The following FRAS1 variants were observed in gnomAD, a reference collection of about 807,000 sequenced individuals.
FRAS1 encodes the protein extracellular matrix organizing protein FRAS1.
Under a neutral mutation model 435.2 loss-of-function variants are expected in FRAS1, and 290 were observed. The ratio of observed to expected loss-of-function variants is 0.67; its 90% CI spans 0.61 to 0.73. FRAS1 has a LOEUF of 0.73. Ranked by LOEUF, FRAS1 falls within the 30% of genes least tolerant of loss-of-function variation. The probability of loss-of-function intolerance (pLI) is 0.00; values close to 1 mark genes in which losing one functional copy is unlikely to be tolerated. For missense variants in FRAS1, 4,860 were observed against 5,001.5 expected (o/e 0.97, Z 0.85); for synonymous variants, 1,800 against 1,851.0 (o/e 0.97, Z 0.71).
chr4:78,450,248 A>G lies in FRAS1; in HGVS notation c.6372A>G (p.Ala2124=). 1.9e-6 allele frequency: 3 copies of G among 1,613,862 alleles called. No homozygotes were observed. Among genetic ancestry groups the G allele is most frequent in the South Asian group, 2.2e-5 (2 of 91,072 alleles). The change falls in exon 45 of 74, where the codon GCA becomes GCG. Residue 2124 remains alanine (A), a synonymous_variant. Coordinates refer to ENST00000512123, the MANE Select transcript of FRAS1 (RefSeq NM_025074.7). Reference sequence around the variant, plus strand: ...ACATCATGAAGGAAGATCCTGGTGCAGGGCGCCTGCAGATGATGAAGCATG... The same window carrying G: ...ACATCATGAAGGAAGATCCTGGTGCGGGGCGCCTGCAGATGATGAAGCATG... ...VMYIMKEDPG[A]GRLQMMKHGN... is the part of the protein sequence containing the mutation.
intron 38 of FRAS1, 110 bp downstream of exon 38, chr4:78,432,714 G>A (rs765572291): frequency 3.8e-5 from 48 of 1,270,700 alleles, no homozygotes; most frequent in Middle Eastern, 2.8e-4. Context: ...ATATGGTCAC[G>A]TAAAGAACAT....
chr4:78,281,260 G>T, intron 10 of FRAS1, 138 bp from the exon 11 acceptor site: 3 of 602,314 alleles, frequency 5.0e-6, no homozygotes, highest in Admixed American at 7.7e-5. Context: ...TTATAAGATA[G>T]ATTTCATCTC....
In FRAS1 at chr4:78,452,363, A is replaced by T. The variant is rs1719053178; in HGVS notation, c.6763+9A>T. The T allele has an allele frequency of 5.7e-6, 9 of 1,587,620 alleles. No individual in the cohort carries two copies. The highest frequency in any genetic ancestry group is 7.7e-6 in the Non-Finnish European group (9 of 1,171,596). ...ACATGCAGCATCACCAGGTAAGTCT[A>T]TCATCTCTTGATTTACTGAATCAAA... On this transcript the variant is annotated intron_variant, in intron 47 of 73. Coordinates refer to ENST00000512123, the MANE Select transcript of FRAS1 (RefSeq NM_025074.7).
intron 18 of FRAS1, among the ~76,000 whole-genome samples, chr4:78,324,706 T>C (rs1729647054): frequency 7.3e-6 from 1 of 136,586 alleles, no homozygotes; most frequent in Non-Finnish European, 1.6e-5. Flanking sequence ...AAGCTCAGAT[T>C]CCTTTTTTTT....
At chr4:78,289,944 T>G (rs752772892) in intron 14 of FRAS1, among the ~76,000 whole-genome samples, 24 of 152,196 alleles carry the variant, frequency 1.6e-4, no homozygotes, top group Non-Finnish European at 2.4e-4. Flanking sequence ...TGAGTCATCT[T>G]AAAAACTCAG....
At chr4:78,501,611 A>T (rs958379747) in intron 61 of FRAS1, among the ~76,000 whole-genome samples, 6 of 152,158 alleles carry the variant, frequency 3.9e-5, no homozygotes, top group African/African-American at 1.4e-4. Context: ...ATTTCTCCAC[A>T]TCCTCTCCAG....
Position 78,308,341 on chromosome 4 carries a change from T to A in FRAS1, c.1678+132T>A, listed in dbSNP as rs994398180. The A allele has an allele frequency of 9.3e-6, 9 of 968,460 alleles. No individual in the cohort carries two copies. The African/African-American group carries it at 1.2e-4, about 12-fold the overall frequency. 60.0% of individuals were successfully genotyped at this position (968,460 alleles called of 1,614,324 possible). A position where few individuals can be genotyped will look rare whatever the true frequency, so the allele number is the denominator to read the frequency against. On this transcript the variant is annotated intron_variant, in intron 15 of 73. Coordinates refer to ENST00000512123, the MANE Select transcript of FRAS1 (RefSeq NM_025074.7). ...ATATGTGAATAGCTGCTGAGATTAA[T>A]CTTTGATTTAGATGTGCATAACACA...
intron 2 of FRAS1, among the ~76,000 whole-genome samples, chr4:78,132,281 G>A (rs1719718771): frequency 6.6e-6 from 1 of 152,176 alleles, no homozygotes; most frequent in African/African-American, 2.4e-5. Flanking sequence ...TATTTCAATT[G>A]AGAATTAGCT....
chr4:78,404,488 C>T (rs2110349515), intron 30 of FRAS1, among the ~76,000 whole-genome samples: 1 of 152,154 alleles, frequency 6.6e-6, no homozygotes, highest in East Asian at 1.9e-4. Context: ...TCCTTGTCCA[C>T]TCATGGACTT....
intron 2 of FRAS1, among the ~76,000 whole-genome samples, chr4:78,183,007 C>G (rs7692266): frequency 0.27 from 40,999 of 151,606 alleles, 6,434 homozygotes; most frequent in East Asian, 0.54. Flanking sequence ...AGAAGAGGTA[C>G]ACAGCAGAGA....
intron 2 of FRAS1, among the ~76,000 whole-genome samples, chr4:78,085,002 C>A (rs186749977): frequency 4.6e-5 from 7 of 152,188 alleles, no homozygotes. Context: ...CAGATACACA[C>A]TGTGCTATTA....
In FRAS1 at chr4:78,057,868, C is replaced by A. The variant is rs1030089834; in HGVS notation, c.-142C>A. The A allele has an allele frequency of 8.7e-6, 6 of 690,962 alleles. No individual in the cohort carries two copies. The highest frequency in any genetic ancestry group is 1.8e-5 in the African/African-American group (1 of 56,096). The allele number at this position is 690,962 out of a possible 1,614,324, so 42.8% of individuals were successfully genotyped here. On this transcript the variant is annotated 5_prime_UTR_variant, in exon 1 of 74. Transcript: ENST00000512123. The surrounding 1 kb of genome is among the most constrained non-coding windows in gnomAD (Gnocchi z 4.2). ...TGATGAGTGTCGCTCTCCGCCCGTC[C>A]ATCTCTTTTTCCCGGAGGTAAAGGC...
chr4:78,478,061 G>T lies in FRAS1; in HGVS notation c.8098G>T (p.Gly2700Ter). The change falls in exon 55 of 74, where the codon GGA becomes TGA. Residue 2700 changes from glycine to a stop codon, truncating the protein, a stop_gained and splice_region_variant. Coordinates refer to ENST00000512123, the MANE Select transcript of FRAS1 (RefSeq NM_025074.7). LOFTEE classifies it high-confidence loss of function. ...TCTGTTTGCACCTATTGAAAGAAAA[G>T]GTCTGTTGGTTCCACAGGTGACAAA... is the stretch of plus-strand genomic sequence containing the variant. ...GFLFAPIERK[G>*]DASSIVSAIC... 6.4e-7 allele frequency: 1 copy of T among 1,556,370 alleles called. No individual in the cohort carries two copies. Among genetic ancestry groups the T allele is most frequent in the Non-Finnish European group, 8.7e-7 (1 of 1,148,976 alleles).
intron 2 of FRAS1, among the ~76,000 whole-genome samples, chr4:78,211,165 G>A (rs917596692): frequency 3.3e-5 from 5 of 152,294 alleles, no homozygotes; most frequent in Admixed American, 2.6e-4. Flanking sequence ...TTTCAGAAGG[G>A]AGTGGGTTAT....
In FRAS1 at chr4:78,521,645, G is replaced by GT. The variant is rs397994139; in HGVS notation, c.10648+25dup. On this transcript the variant is annotated intron_variant, in intron 68 of 73. Coordinates refer to ENST00000512123, the MANE Select transcript of FRAS1 (RefSeq NM_025074.7). ...CAAATTCAGAGGTAATATCAATGCC[G>GT]TTTTTTTTTTCCAACTTTTTATTAA... The GT allele has an allele frequency of 9.6e-3, 12,792 of 1,335,714 alleles. No homozygotes were observed. The highest frequency in any genetic ancestry group is 0.011 in the Admixed American group (546 of 49,702). 82.7% of individuals were successfully genotyped at this position (1,335,714 alleles called of 1,614,324 possible).
chr4:78,429,754 G>T (rs373368914), intron 36 of FRAS1, among the ~76,000 whole-genome samples: 3 of 152,294 alleles, frequency 2.0e-5, no homozygotes, highest in Admixed American at 1.3e-4. Flanking sequence ...TTTGTTAGGT[G>T]TGTTCTAGAG....
chr4:78,357,192 T>C (rs565999698), intron 20 of FRAS1, among the ~76,000 whole-genome samples: 1 of 152,066 alleles, frequency 6.6e-6, no homozygotes, highest in African/African-American at 2.4e-5. Flanking sequence ...CTCTGGGAGG[T>C]CTTTCCTGGC....
intron 20 of FRAS1, among the ~76,000 whole-genome samples, chr4:78,344,532 T>C (rs1005268189): frequency 3.4e-5 from 5 of 145,552 alleles, no homozygotes; most frequent in Non-Finnish European, 7.5e-5. Context: ...CTCAACCATT[T>C]TGTACTCCAT....
At chr4:78,319,116 C>T in intron 18 of FRAS1, 130 bp downstream of exon 18, 1 of 911,006 alleles carries the variant, frequency 1.1e-6, no homozygotes, top group Non-Finnish European at 1.7e-6. Flanking sequence ...GTGAATAAAG[C>T]AGGAGACCAA....
Sources: allele counts gnomAD v4.1 joint callset (sites outside exome capture counted in the v4.1 genomes callset), GRCh38; gene constraint gnomAD v4.1.1; non-coding constraint Gnocchi (gnomAD v3.1); transcripts MANE v1.5; gene names NCBI Gene and HGNC (gene_info 2026-07-23, HGNC 2026-07-21).